The following SLC24A2 variants were observed in gnomAD, a reference collection of about 807,000 sequenced individuals.
The protein encoded by SLC24A2 is sodium/potassium/calcium exchanger 2.
SLC24A2 carries 36 observed loss-of-function variants against 62.0 expected under a neutral mutation model. The ratio of observed to expected loss-of-function variants is 0.58; its 90% CI spans 0.44 to 0.77. The LOEUF (loss-of-function observed/expected upper bound fraction) is 0.77. Among genes scored for constraint, SLC24A2 ranks in the 30% least tolerant of loss-of-function variants. The pLI is 0.00. For synonymous variants in SLC24A2, 358 were observed against 294.0 expected, an observed-to-expected ratio of 1.22 and a Z score of -2.23; for missense variants, 846 against 817.9, an observed-to-expected ratio of 1.03 and a Z score of -0.42.
rs1479273937 is a variant in SLC24A2 at position 19,508,222 on chromosome 9, G to A, written c.*7931C>T. 1 of 152,126 alleles carries A rather than the reference G, an allele frequency of 6.6e-6. No homozygotes were observed. The highest frequency in any genetic ancestry group is 1.5e-5 in the Non-Finnish European group (1 of 68,016). 9.4% of individuals were successfully genotyped at this position (152,126 alleles called of 1,614,324 possible). ...TATATATGTGTACTTTGTGTTCAGG[G>A]TTCAATAGCGCAATTCAGTAACTGA... is the stretch of plus-strand genomic sequence containing the variant. On this transcript the variant is annotated 3_prime_UTR_variant, in exon 11 of 11. Transcript: ENST00000341998.
chr9:19,962,602 A>G, the SLC24A2 span, among the ~76,000 whole-genome samples: 6 of 152,174 alleles, frequency 3.9e-5, no homozygotes, highest in Admixed American at 6.5e-5. Context: ...TGGATTCCTA[A>G]GTATTTTATT....
At chr9:19,552,897 A>G (rs977152257) in intron 7 of SLC24A2, among the ~76,000 whole-genome samples, 1 of 152,218 alleles carries the variant, frequency 6.6e-6, no homozygotes, top group Non-Finnish European at 1.5e-5. Flanking sequence ...CTACTGTCCA[A>G]TGCAAACAAT....
rs1262626108 is a variant in SLC24A2 at position 19,507,623 on chromosome 9, T to C, written c.*8530A>G. 6.6e-6 allele frequency: 1 copy of C among 152,186 alleles called. No individual in the cohort carries two copies. Among genetic ancestry groups the C allele is most frequent in the Admixed American group, 6.5e-5 (1 of 15,274 alleles). 9.4% of individuals were successfully genotyped at this position (152,186 alleles called of 1,614,324 possible). ...ATGAAGTCCATGTGACAGAAGTACA[T>C]ACTTCAGACAGCCTATGTACAAATA... On this transcript the variant is annotated 3_prime_UTR_variant, in exon 11 of 11. Coordinates refer to ENST00000341998, the MANE Select transcript of SLC24A2 (RefSeq NM_020344.4).
At chr9:20,221,288 T>C in the SLC24A2 span, among the ~76,000 whole-genome samples, 1 of 152,078 alleles carries the variant, frequency 6.6e-6, no homozygotes, top group Admixed American at 6.6e-5. Flanking sequence ...TAATCGTGGC[T>C]TAGGATACAG....
chr9:20,193,148 T>C, the SLC24A2 span, among the ~76,000 whole-genome samples: 1 of 152,156 alleles, frequency 6.6e-6, no homozygotes. Flanking sequence ...TCCACATGCC[T>C]TGATATTGAG....
the SLC24A2 span, among the ~76,000 whole-genome samples, chr9:20,011,447 C>G: frequency 4.6e-5 from 7 of 152,022 alleles, no homozygotes; most frequent in African/African-American, 1.7e-4. Context: ...CAACAGCAGA[C>G]TTGATCTAGG....
At chr9:19,909,073 GAACT>G in the SLC24A2 span, among the ~76,000 whole-genome samples, 1 of 152,114 alleles carries the variant, frequency 6.6e-6, no homozygotes, top group Non-Finnish European at 1.5e-5. Flanking sequence ...CAAAGACTTG[GAACT>G]AACCCAAATG....
chr9:19,677,350 G>A (rs1819589745), intron 2 of SLC24A2, among the ~76,000 whole-genome samples: 1 of 152,156 alleles, frequency 6.6e-6, no homozygotes, highest in South Asian at 2.1e-4. Flanking sequence ...AATACCACAT[G>A]TTCTCACTTA....
chr9:19,786,840 G>C lies in SLC24A2; in HGVS notation c.27C>G (p.Ile9Met). The C allele has an allele frequency of 1.2e-6, 2 of 1,611,946 alleles. No individual in the cohort carries two copies. Among genetic ancestry groups the C allele is most frequent in the Non-Finnish European group, 1.7e-6 (2 of 1,179,874 alleles). The stretch of plus-strand genomic sequence containing the variant: ...CCAAACACCATTTCTCTAGGGAAGT[G>C]ATGGTGGTGCTTTGTTGCAGATCCA... MDLQQSTT[I>M]TSLEKWCLDE... The change falls in exon 2 of 11, where the codon ATC (isoleucine) becomes ATG (methionine). Residue 9 changes from isoleucine (I) to methionine (M), a missense_variant. Coordinates refer to ENST00000341998, the MANE Select transcript of SLC24A2 (RefSeq NM_020344.4). The surrounding 1 kb of genome is among the most constrained non-coding windows in gnomAD (Gnocchi z 5.0).
chr9:20,260,977 T>C, the SLC24A2 span, among the ~76,000 whole-genome samples: 1 of 149,410 alleles, frequency 6.7e-6, no homozygotes, highest in African/African-American at 2.5e-5. Context: ...TGCCTCAGCC[T>C]CTCGAGTACC....
At chr9:19,802,978 G>A in the SLC24A2 span, among the ~76,000 whole-genome samples, 3 of 152,098 alleles carry the variant, frequency 2.0e-5, no homozygotes, top group Non-Finnish European at 2.9e-5. Flanking sequence ...CTTCCACCAC[G>A]TGAGGATGCA....
intron 5 of SLC24A2, among the ~76,000 whole-genome samples, chr9:19,592,708 C>T (rs1836594512): frequency 6.6e-6 from 1 of 152,110 alleles, no homozygotes; most frequent in Non-Finnish European, 1.5e-5. Context: ...TATTATTATT[C>T]AGAATAATTT....
At chr9:19,550,079 C>T in intron 8 of SLC24A2, 58 bp downstream of exon 8, 3 of 1,560,952 alleles carry the variant, frequency 1.9e-6, no homozygotes, top group Middle Eastern at 1.7e-4. Flanking sequence ...GCAGACTATG[C>T]ACCCTGTTAT....
chr9:19,759,551 T>C lies in SLC24A2; in HGVS notation c.930+26386A>G, dbSNP rs572638385. The stretch of plus-strand genomic sequence containing the variant: ...GCAGCATTGCAGCCATATGGACACT[T>C]GCACTTGAATGATAAAATTGGACAA... On this transcript the variant is annotated intron_variant, in intron 2 of 10. Coordinates refer to ENST00000341998, the MANE Select transcript of SLC24A2 (RefSeq NM_020344.4). Among the ~76,000 whole-genome samples the C allele has an allele frequency of 9.6e-4, 146 of 152,326 alleles. 1 individual carries two copies. Among genetic ancestry groups the C allele is most frequent in the Admixed American group, 6.5e-5 (1 of 15,294 alleles).
chr9:19,736,882 T>C (rs1044203611), intron 2 of SLC24A2, among the ~76,000 whole-genome samples: 1 of 152,110 alleles, frequency 6.6e-6, no homozygotes, highest in Non-Finnish European at 1.5e-5. Flanking sequence ...ATGCAAGAGT[T>C]AACCCATCAT....
At chr9:20,287,576 G>GT in the SLC24A2 span, among the ~76,000 whole-genome samples, 2 of 152,198 alleles carry the variant, frequency 1.3e-5, no homozygotes, top group African/African-American at 4.8e-5. Context: ...ACAACGAACA[G>GT]TTTTTTAACA....
At chr9:19,529,742 G>A (rs1043422272) in intron 8 of SLC24A2, among the ~76,000 whole-genome samples, 1 of 148,708 alleles carries the variant, frequency 6.7e-6, no homozygotes, top group East Asian at 2.0e-4. Context: ...AGTGGAGTTG[G>A]AGACCTTCGT....
chr9:20,284,358 G>T, the SLC24A2 span, among the ~76,000 whole-genome samples: 4 of 152,016 alleles, frequency 2.6e-5, no homozygotes, highest in South Asian at 2.1e-4. Context: ...GCTCACAGCA[G>T]GCTCGAACTC....
the SLC24A2 span, among the ~76,000 whole-genome samples, chr9:20,074,120 G>C: frequency 1.3e-5 from 2 of 151,886 alleles, no homozygotes; most frequent in African/African-American, 4.8e-5. Context: ...TCTACCCACT[G>C]TTCCATCATA....
Sources: allele counts gnomAD v4.1 joint callset (sites outside exome capture counted in the v4.1 genomes callset), GRCh38; gene constraint gnomAD v4.1.1; non-coding constraint Gnocchi (gnomAD v3.1); transcripts MANE v1.5; gene names NCBI Gene and HGNC (gene_info 2026-07-23, HGNC 2026-07-21).